MLLT10: variants seen among roughly 807,000 people sequenced by gnomAD.
The protein encoded by MLLT10 is protein AF-10.
MLLT10 carries 30 observed loss-of-function variants against 129.1 expected under a neutral mutation model. The ratio of observed to expected loss-of-function variants is 0.23; its 90% CI spans 0.17 to 0.32. The LOEUF is 0.32. Ranked by LOEUF, MLLT10 falls within the 10% of genes least tolerant of loss-of-function variation. The pLI, the probability that MLLT10 is intolerant of heterozygous loss-of-function variation, is 1.00. For missense variants in MLLT10, 1,119 were observed against 1,268.3 expected, an observed-to-expected ratio of 0.88 and a Z score of 1.79; for synonymous variants, 490 against 446.4, an observed-to-expected ratio of 1.10 and a Z score of -1.23.
chr10:21,717,542 CCTTCTTCTTTCTTCTTCTTTCT>C (rs2056712461), intron 14 of MLLT10, among the ~76,000 whole-genome samples: 1 of 115,654 alleles, frequency 8.6e-6, no homozygotes, highest in African/African-American at 3.5e-5. Flanking sequence ...CCTCCTCCTC[CCTTCTTCTTTCTTCTTCTTTCT>C]TCCTCTTCCT....
chr10:21,733,805 C>T lies in MLLT10; in HGVS notation c.2534C>T (p.Ser845Leu), dbSNP rs751844660. ...AGTGGACAAAGTACCAGCAGCTCAT[C>T]AGCTCTTTCTACCCCACCTCCTGCT... ...TSSGQSTSSS[S>L]ALSTPPPAGQ... The change falls in exon 20 of 23, where the codon TCA becomes TTA. Residue 845 changes from serine to leucine, a missense_variant. Physicochemically the swap from Ser to Leu is moderately radical, Grantham distance 145. Transcript: ENST00000307729. 2.5e-6 allele frequency: 4 copies of T among 1,613,986 alleles called. No homozygotes were observed. The highest frequency in any genetic ancestry group is 3.4e-6 in the Non-Finnish European group (4 of 1,179,952).
At chr10:21,708,396 A>G (rs138162163) in intron 13 of MLLT10, among the ~76,000 whole-genome samples, 1 of 152,346 alleles carries the variant, frequency 6.6e-6, no homozygotes, top group Non-Finnish European at 1.5e-5. Context: ...AATAGAGTGA[A>G]GTTAAATAGA....
chr10:21,652,700 G>A (rs1317144194), intron 9 of MLLT10, among the ~76,000 whole-genome samples: 2 of 152,154 alleles, frequency 1.3e-5, no homozygotes, highest in Non-Finnish European at 2.9e-5. Flanking sequence ...GTGAGCTACT[G>A]GAGGTTTCTG....
chr10:21,655,046 G>A (rs527674577), intron 9 of MLLT10, among the ~76,000 whole-genome samples: 2 of 152,052 alleles, frequency 1.3e-5, no homozygotes, highest in Admixed American at 1.3e-4. Context: ...ATATGAAGTG[G>A]TATTTAAGAG....
chr10:21,599,224 C>A (rs1176779556), intron 5 of MLLT10, among the ~76,000 whole-genome samples: 3 of 151,080 alleles, frequency 2.0e-5, no homozygotes, highest in African/African-American at 7.3e-5. Context: ...CGCCTGTAAT[C>A]CCAGCTACTC....
chr10:21,563,780 T>A (rs978767338), intron 3 of MLLT10, among the ~76,000 whole-genome samples: 1 of 150,262 alleles, frequency 6.7e-6, no homozygotes, highest in African/African-American at 2.5e-5. Context: ...GGTAGTGATA[T>A]CTCACTGTGT....
chr10:21,624,876 C>T (rs2131244722), intron 8 of MLLT10: 14 of 1,147,456 alleles, frequency 1.2e-5, no homozygotes, highest in South Asian at 4.2e-5. Flanking sequence ...CCTACAGCCT[C>T]GTGGTGGTCC....
At chr10:21,626,295 G>GCTATCT in intron 8 of MLLT10, 1 of 1,304,980 alleles carries the variant, frequency 7.7e-7, no homozygotes, top group Non-Finnish European at 1.1e-6. Context: ...CCAGGGCAGA[G>GCTATCT]CAGGGGCTGG....
At chr10:21,555,382 C>A (rs1295912943) in intron 3 of MLLT10, among the ~76,000 whole-genome samples, 1 of 151,912 alleles carries the variant, frequency 6.6e-6, no homozygotes, top group Non-Finnish European at 1.5e-5. Flanking sequence ...GCCACCACGC[C>A]TGGCTAATTT....
chr10:21,589,151 G>C (rs1417780070), intron 4 of MLLT10, among the ~76,000 whole-genome samples: 1 of 151,896 alleles, frequency 6.6e-6, no homozygotes, highest in African/African-American at 2.4e-5. Context: ...ATGCTGTTTT[G>C]ATATGAGTTG....
At chr10:21,535,170 C>T (rs1001198059) in intron 2 of MLLT10, among the ~76,000 whole-genome samples, 3 of 148,762 alleles carry the variant, frequency 2.0e-5, no homozygotes, top group East Asian at 2.0e-4. Context: ...CCGGGGTTCC[C>T]GGGGCCACGG....
intron 13 of MLLT10, chr10:21,708,536 G>A (rs1481874529): frequency 9.2e-6 from 9 of 976,166 alleles, no homozygotes; most frequent in African/African-American, 5.3e-5. Flanking sequence ...GCCTTGATAG[G>A]AAAGGAACAT....
chr10:21,623,329 G>C (rs2046089658), intron 8 of MLLT10, among the ~76,000 whole-genome samples: 2 of 152,146 alleles, frequency 1.3e-5, no homozygotes, highest in Admixed American at 1.3e-4. Flanking sequence ...TATCCTCCAA[G>C]ATTTACCTTA....
intron 8 of MLLT10, among the ~76,000 whole-genome samples, chr10:21,640,062 T>C (rs1360946979): frequency 6.6e-6 from 1 of 151,386 alleles, no homozygotes; most frequent in Non-Finnish European, 1.5e-5. Flanking sequence ...CCAAATACTT[T>C]AACAAAAGAT....
intron 9 of MLLT10, among the ~76,000 whole-genome samples, chr10:21,653,957 C>T (rs979724656): frequency 6.6e-6 from 1 of 152,138 alleles, no homozygotes; most frequent in African/African-American, 2.4e-5. Context: ...GTCGAAAGAT[C>T]TGGAAGAGGA....
rs1439523360 is a variant in MLLT10, at chr10:21,534,289, C to G, written c.-232C>G. ...GCAGCCCCCTTCCCCTCCCTCGCTG[C>G]CCCTGGCCCAGCGGGAGCCCCCCCT... is the stretch of plus-strand genomic sequence containing the variant. On this transcript the variant is annotated 5_prime_UTR_variant, in exon 1 of 23. Coordinates refer to ENST00000307729, the MANE Select transcript of MLLT10 (RefSeq NM_001195626.3). The G allele has an allele frequency of 2.5e-6, 1 of 395,152 alleles. No homozygotes were observed. 24.5% of individuals were successfully genotyped at this position (395,152 alleles called of 1,614,324 possible). A position where few individuals can be genotyped will look rare whatever the true frequency, so the allele number is the denominator to read the frequency against.
intron 14 of MLLT10, among the ~76,000 whole-genome samples, chr10:21,717,615 TCC>T (rs1320852703): frequency 5.9e-5 from 8 of 136,590 alleles, no homozygotes; most frequent in African/African-American, 2.2e-4. Flanking sequence ...CTCTTCTTCC[TCC>T]TCTTCCTCCT....
intron 3 of MLLT10, among the ~76,000 whole-genome samples, chr10:21,578,195 T>C (rs2040997832): frequency 6.6e-6 from 1 of 152,220 alleles, no homozygotes; most frequent in Non-Finnish European, 1.5e-5. Context: ...GCACCTGGCC[T>C]GGTGTTGATT....
chr10:21,592,819 A>T (rs1194733028), intron 4 of MLLT10, among the ~76,000 whole-genome samples: 1 of 152,056 alleles, frequency 6.6e-6, no homozygotes, highest in Non-Finnish European at 1.5e-5. Context: ...TCTGATTTAT[A>T]GTGGTTCTTC....
Sources: allele counts gnomAD v4.1 joint callset (sites outside exome capture counted in the v4.1 genomes callset), GRCh38; gene constraint gnomAD v4.1.1; transcripts MANE v1.5; gene names NCBI Gene and HGNC (gene_info 2026-07-23, HGNC 2026-07-21).